AUH: variants seen among roughly 807,000 people sequenced by gnomAD.
AUH encodes the protein methylglutaconyl-CoA hydratase, mitochondrial.
In AUH, 29 loss-of-function variants were observed where a neutral mutation model predicts 42.3. The observed-to-expected ratio is 0.69, with a 90% CI of 0.51 to 0.93. The LOEUF (loss-of-function observed/expected upper bound fraction) is 0.93. Among genes scored for constraint, AUH ranks in the 40% least tolerant of loss-of-function variants. AUH has a pLI of 0.00. For missense variants in AUH, 452 were observed against 438.1 expected (o/e 1.03, Z -0.28); for synonymous variants, 174 against 166.4 (o/e 1.05, Z -0.35).
chr9:91,247,433 G>A (rs986592030), intron 6 of AUH, among the ~76,000 whole-genome samples: 1 of 152,002 alleles, frequency 6.6e-6, no homozygotes, highest in African/African-American at 2.4e-5. Context: ...TCTCACAGCT[G>A]CACGCCTACA....
chr9:91,274,158 CA>C (rs1197109452), intron 6 of AUH, among the ~76,000 whole-genome samples: 3 of 151,042 alleles, frequency 2.0e-5, no homozygotes, highest in Non-Finnish European at 1.5e-5. Context: ...GAAACAAATC[CA>C]AAAAAAATAT....
intron 1 of AUH, among the ~76,000 whole-genome samples, chr9:91,357,987 A>G (rs1434651033): frequency 6.6e-6 from 1 of 152,238 alleles, no homozygotes; most frequent in Non-Finnish European, 1.5e-5. Flanking sequence ...CTATACTTGG[A>G]GATCATACCA....
At position 91,341,228 on chromosome 9, in the gene AUH, C is replaced by T. The variant is rs1028191540; in HGVS notation, c.418+14655G>A. Among the ~76,000 whole-genome samples, 26 of 152,294 alleles carry T rather than the reference C, an allele frequency of 1.7e-4. No homozygotes were observed. The South Asian group carries it at 3.3e-3, about 19-fold the overall frequency. Reference sequence around the variant, plus strand: ...ACTGCCCACAATGCTCACCTCACCACATAACTGGGCAGCCTTGGAGAAAGG... The same window carrying T: ...ACTGCCCACAATGCTCACCTCACCATATAACTGGGCAGCCTTGGAGAAAGG... On this transcript the variant is annotated intron_variant, in intron 3 of 9. Coordinates refer to ENST00000375731, the MANE Select transcript of AUH (RefSeq NM_001698.3).
intron 4 of AUH, among the ~76,000 whole-genome samples, chr9:91,315,059 C>T (rs1187422109): frequency 6.6e-6 from 1 of 152,172 alleles, no homozygotes; most frequent in Non-Finnish European, 1.5e-5. Context: ...TAATAGCTGG[C>T]ACTACAGGCT....
chr9:91,317,779 A>T (rs1295875075), intron 4 of AUH, among the ~76,000 whole-genome samples: 3 of 152,244 alleles, frequency 2.0e-5, no homozygotes, highest in Non-Finnish European at 4.4e-5. Context: ...ACCTTTCGTC[A>T]GGCTAAGGAA....
chr9:91,266,774 A>G (rs901090891), intron 6 of AUH, among the ~76,000 whole-genome samples: 2 of 152,194 alleles, frequency 1.3e-5, no homozygotes, highest in Admixed American at 6.6e-5. Flanking sequence ...GTATGCCCCT[A>G]TGACTGGGGC....
intron 6 of AUH, among the ~76,000 whole-genome samples, chr9:91,272,174 T>C (rs949274677): frequency 2.6e-5 from 4 of 152,216 alleles, no homozygotes; most frequent in African/African-American, 2.4e-5. Flanking sequence ...AAAATAGACA[T>C]TAGGATAACG....
intron 6 of AUH, among the ~76,000 whole-genome samples, chr9:91,225,942 G>A (rs1239271544): frequency 6.7e-6 from 1 of 149,914 alleles, no homozygotes; most frequent in African/African-American, 2.5e-5. Flanking sequence ...TCTTAATCCA[G>A]TCTATCATTG....
At chr9:91,308,652 C>A (rs974117127) in intron 4 of AUH, among the ~76,000 whole-genome samples, 2 of 152,122 alleles carry the variant, frequency 1.3e-5, no homozygotes, top group Non-Finnish European at 2.9e-5. Flanking sequence ...TAATAAGCTA[C>A]ATTACATATT....
At chr9:91,266,688 T>A (rs1420445441) in intron 6 of AUH, among the ~76,000 whole-genome samples, 2 of 152,150 alleles carry the variant, frequency 1.3e-5, no homozygotes, top group South Asian at 2.1e-4. Flanking sequence ...AGAATAATGG[T>A]CCAGAAAGGT....
chr9:91,275,798 C>T (rs1449642567), intron 6 of AUH, among the ~76,000 whole-genome samples: 4 of 152,072 alleles, frequency 2.6e-5, no homozygotes, highest in Admixed American at 6.5e-5. Flanking sequence ...GATTCCAGGG[C>T]AGTGGAAATT....
intron 1 of AUH, among the ~76,000 whole-genome samples, chr9:91,356,479 T>C (rs1003605420): frequency 2.0e-5 from 3 of 152,238 alleles, no homozygotes; most frequent in Admixed American, 6.5e-5. Context: ...GCAGGTATTA[T>C]AGCATCTGCT....
At chr9:91,300,972 A>G (rs1194335538) in intron 4 of AUH, among the ~76,000 whole-genome samples, 1 of 152,176 alleles carries the variant, frequency 6.6e-6, no homozygotes, top group African/African-American at 2.4e-5. Context: ...AATTAACATC[A>G]CATCAATGCT....
In AUH at chr9:91,361,819, G is replaced by A. The variant is rs2132128249; in HGVS notation, c.71C>T (p.Ala24Val). 4.0e-6 allele frequency: 6 copies of A among 1,508,102 alleles called. No individual in the cohort carries two copies. In the South Asian group the frequency reaches 6.2e-5, roughly 16 times the overall value. 93.4% of individuals were successfully genotyped at this position (1,508,102 alleles called of 1,614,324 possible). A position where few individuals can be genotyped will look rare whatever the true frequency, so the allele number is the denominator to read the frequency against. The change falls in exon 1 of 10, where the codon GCC (alanine) becomes GTC (valine). Residue 24 changes from alanine (A) to valine (V), a missense_variant. Physicochemically the swap from Ala to Val is moderately conservative, Grantham distance 64. Coordinates refer to ENST00000375731, the MANE Select transcript of AUH (RefSeq NM_001698.3). ...CGGGCAGAGCCACGCACTGCAAGCG[G>A]CCACCAGGCGGGCGCCGCCAGCATG... is the stretch of plus-strand genomic sequence containing the variant. ...SLHAGGARLV[A>V]ACSAWLCPGL...
chr9:91,237,228 T>C (rs1828239719), intron 6 of AUH, among the ~76,000 whole-genome samples: 1 of 152,226 alleles, frequency 6.6e-6, no homozygotes, highest in Admixed American at 6.5e-5. Flanking sequence ...AAATGAAAAG[T>C]CTGGTGGTAC....
At chr9:91,230,195 A>C (rs1481668500) in intron 6 of AUH, among the ~76,000 whole-genome samples, 2 of 152,016 alleles carry the variant, frequency 1.3e-5, no homozygotes, top group African/African-American at 4.8e-5. Flanking sequence ...CAGGTACACC[A>C]ATCAGACGTA....
chr9:91,287,530 T>C (rs1826513967), intron 6 of AUH, among the ~76,000 whole-genome samples: 1 of 152,184 alleles, frequency 6.6e-6, no homozygotes, highest in African/African-American at 2.4e-5. Context: ...TTCTATAACA[T>C]GTTAATATTT....
At chr9:91,300,067 T>C (rs1368630039) in intron 4 of AUH, among the ~76,000 whole-genome samples, 2 of 152,182 alleles carry the variant, frequency 1.3e-5, no homozygotes, top group South Asian at 2.1e-4. Context: ...TCAGTACCTA[T>C]TAAATGTACT....
chr9:91,349,682 AC>A (rs1426152755), intron 3 of AUH, among the ~76,000 whole-genome samples: 1 of 9,084 alleles, frequency 1.1e-4, no homozygotes, highest in African/African-American at 4.8e-4. Flanking sequence ...AGAGACAGAC[AC>A]ACACACACAC....
Sources: gnomAD v4.1 joint callset for allele counts (sites outside exome capture counted in the v4.1 genomes callset) on GRCh38, gnomAD v4.1.1 for gene constraint, MANE v1.5 for transcripts, NCBI Gene and HGNC (gene_info 2026-07-23, HGNC 2026-07-21) for gene names.